CPED1: variants seen among roughly 807,000 people sequenced by gnomAD.
CPED1 encodes the protein cadherin-like and PC-esterase domain-containing protein 1.
In CPED1, 114 loss-of-function variants were observed where a neutral mutation model predicts 128.2. The observed-to-expected ratio is 0.89, with a 90% CI of 0.76 to 1.04. The LOEUF (loss-of-function observed/expected upper bound fraction) is 1.04. Ranked by LOEUF, CPED1 falls within the 50% of genes least tolerant of loss-of-function variation. CPED1 has a pLI of 0.00. For synonymous variants in CPED1, 462 were observed against 426.7 expected, an observed-to-expected ratio of 1.08 and a Z score of -1.02; for missense variants, 1,211 against 1,207.1, an observed-to-expected ratio of 1.00 and a Z score of -0.05.
chr7:121,033,461 CTT>C (rs995278905), intron 3 of CPED1, among the ~76,000 whole-genome samples: 3 of 152,172 alleles, frequency 2.0e-5, no homozygotes, highest in Non-Finnish European at 4.4e-5. Flanking sequence ...TAAATAAACA[CTT>C]ATATAAAGCT....
chr7:121,130,630 T>G (rs540635997), intron 12 of CPED1, among the ~76,000 whole-genome samples: 3 of 152,190 alleles, frequency 2.0e-5, no homozygotes, highest in Non-Finnish European at 2.9e-5. Flanking sequence ...ATGAGATGTG[T>G]TTTATGAACC....
At chr7:121,280,471 A>C (rs1259630113) in intron 22 of CPED1, among the ~76,000 whole-genome samples, 2 of 152,202 alleles carry the variant, frequency 1.3e-5, no homozygotes, top group Non-Finnish European at 2.9e-5. Flanking sequence ...CTCAGCTGTC[A>C]GAGTAAGAAG....
At chr7:121,269,440 A>G (rs1792192433) in intron 21 of CPED1, among the ~76,000 whole-genome samples, 1 of 152,030 alleles carries the variant, frequency 6.6e-6, no homozygotes, top group Non-Finnish European at 1.5e-5. Context: ...TCTATTGTGA[A>G]TAGTGCTGTG....
At chr7:121,289,104 G>A (rs868598115) in intron 22 of CPED1, among the ~76,000 whole-genome samples, 5 of 152,010 alleles carry the variant, frequency 3.3e-5, no homozygotes, top group Non-Finnish European at 7.4e-5. Context: ...ATTAATCAGT[G>A]GTTAACCACA....
At chr7:121,017,791 GCT>G (rs1292251274) in intron 3 of CPED1, among the ~76,000 whole-genome samples, 1 of 152,148 alleles carries the variant, frequency 6.6e-6, no homozygotes, top group Non-Finnish European at 1.5e-5. Context: ...TTACTCTGCA[GCT>G]TCCAAATATC....
At chr7:121,174,940 C>T (rs1275726939) in intron 16 of CPED1, among the ~76,000 whole-genome samples, 1 of 151,988 alleles carries the variant, frequency 6.6e-6, no homozygotes. Context: ...GATCATTCAC[C>T]TCCCTGGTTA....
intron 2 of CPED1, among the ~76,000 whole-genome samples, chr7:121,009,779 T>C (rs1792114742): frequency 6.6e-6 from 1 of 152,198 alleles, no homozygotes; most frequent in Non-Finnish European, 1.5e-5. Context: ...GTCTAAGATA[T>C]GGCCATTGGA....
At chr7:121,261,686 G>A in intron 18 of CPED1, 1 of 1,610,318 alleles carries the variant, frequency 6.2e-7, no homozygotes, top group Non-Finnish European at 8.5e-7. Context: ...ACACAATCCA[G>A]TCATCCTGGG....
chr7:121,284,878 T>C (rs1792534799), intron 22 of CPED1, among the ~76,000 whole-genome samples: 1 of 152,108 alleles, frequency 6.6e-6, no homozygotes, highest in African/African-American at 2.4e-5. Context: ...CATTCTGGGG[T>C]TTGGAGGACA....
chr7:121,076,881 G>A (rs1794138908), intron 5 of CPED1, among the ~76,000 whole-genome samples: 1 of 151,956 alleles, frequency 6.6e-6, no homozygotes, highest in Non-Finnish European at 1.5e-5. Flanking sequence ...AAAGAACATT[G>A]ATCTAGATTG....
intron 5 of CPED1, among the ~76,000 whole-genome samples, chr7:121,078,820 T>C (rs1037440257): frequency 6.6e-6 from 1 of 152,180 alleles, no homozygotes; most frequent in African/African-American, 2.4e-5. Context: ...ACTGTATTAG[T>C]TTGCTAGGGC....
At chr7:121,069,788 T>G (rs764847564) in intron 5 of CPED1, among the ~76,000 whole-genome samples, 1 of 152,322 alleles carries the variant, frequency 6.6e-6, no homozygotes, top group Non-Finnish European at 1.5e-5. Flanking sequence ...TTTCATCATA[T>G]TTGAAAGACA....
intron 3 of CPED1, among the ~76,000 whole-genome samples, chr7:121,032,121 A>G (rs1792748955): frequency 6.6e-6 from 1 of 152,194 alleles, no homozygotes; most frequent in Non-Finnish European, 1.5e-5. Context: ...TTAAGCCAAC[A>G]ATCTTATTCT....
chr7:121,102,047 G>A (rs922876778), intron 7 of CPED1, among the ~76,000 whole-genome samples: 3 of 152,038 alleles, frequency 2.0e-5, no homozygotes, highest in African/African-American at 7.2e-5. Context: ...AATGCTGCAT[G>A]TATAACTTAA....
chr7:120,994,057 C>T (rs1397245364), intron 2 of CPED1: 1 of 175,434 alleles, frequency 5.7e-6, no homozygotes, highest in South Asian at 8.5e-5. Flanking sequence ...AAAACGCTGT[C>T]CTTAGTTTGA....
chr7:121,243,952 A>G (rs906661174), intron 17 of CPED1, among the ~76,000 whole-genome samples: 1 of 152,230 alleles, frequency 6.6e-6, no homozygotes, highest in Non-Finnish European at 1.5e-5. Context: ...GATTTTTAAT[A>G]AGTATAAGGT....
At chr7:121,017,229 G>T (rs939003706) in intron 3 of CPED1, among the ~76,000 whole-genome samples, 1 of 152,132 alleles carries the variant, frequency 6.6e-6, no homozygotes, top group Non-Finnish European at 1.5e-5. Context: ...TCTAGGAGTA[G>T]TGTGGAAATC....
At chr7:121,128,565 T>TC (rs59228206) in intron 11 of CPED1, 79 bp downstream of exon 11, 40,739 of 751,382 alleles carry the variant, frequency 0.054, 1,433 homozygotes, top group African/African-American at 0.11. Flanking sequence ...GATTTTGACA[T>TC]CAAACTAGAT....
intron 3 of CPED1, among the ~76,000 whole-genome samples, chr7:121,037,411 T>C (rs1421738978): frequency 1.3e-5 from 2 of 152,142 alleles, no homozygotes; most frequent in African/African-American, 4.8e-5. Flanking sequence ...TTCCACACTT[T>C]ATGTTTTTGT....
Sources: gnomAD v4.1 joint callset for allele counts (sites outside exome capture counted in the v4.1 genomes callset) on GRCh38, gnomAD v4.1.1 for gene constraint, MANE v1.5 for transcripts, NCBI Gene and HGNC (gene_info 2026-07-23, HGNC 2026-07-21) for gene names.